AP3B1: variants seen among roughly 807,000 people sequenced by gnomAD.
AP3B1 encodes AP-3 complex subunit beta-1.
A neutral mutation model predicts 132.5 loss-of-function variants in AP3B1; 61 were observed. That is an observed-to-expected ratio of 0.46 (90% CI 0.37 to 0.57). The LOEUF is 0.57. AP3B1 is among the 20% of genes least tolerant of loss of function. The pLI is 0.00. For missense variants in AP3B1, 1,120 were observed against 1,289.4 expected, an observed-to-expected ratio of 0.87 and a Z score of 2.01; for synonymous variants, 388 against 438.3, an observed-to-expected ratio of 0.89 and a Z score of 1.43.
intron 26 of AP3B1, among the ~76,000 whole-genome samples, chr5:78,003,269 T>C (rs903911178): frequency 6.6e-6 from 1 of 152,212 alleles, no homozygotes; most frequent in Non-Finnish European, 1.5e-5. Context: ...TTAGTGCACA[T>C]TTAAAACAGA....
chr5:78,163,011 G>A (rs931315382), intron 12 of AP3B1, 60 bp from the exon 13 acceptor site: 19 of 1,507,226 alleles, frequency 1.3e-5, no homozygotes, highest in African/African-American at 8.3e-5. Context: ...CCAAAACTCC[G>A]ATTATATTAA....
intron 11 of AP3B1, among the ~76,000 whole-genome samples, chr5:78,169,576 C>T (rs529364844): frequency 2.3e-4 from 35 of 152,012 alleles, no homozygotes; most frequent in African/African-American, 6.0e-4. Flanking sequence ...TTACAGACAT[C>T]GGCCACCACG....
At chr5:78,020,658 T>C (rs200516181) in intron 25 of AP3B1, 34 bp downstream of exon 25, 703 of 1,469,546 alleles carry the variant, frequency 4.8e-4, no homozygotes, top group Non-Finnish European at 5.4e-4. Flanking sequence ...TTATTTGGTA[T>C]GTAAATTTCT....
At chr5:78,175,212 C>T (rs1232690814) in intron 11 of AP3B1, among the ~76,000 whole-genome samples, 1 of 152,198 alleles carries the variant, frequency 6.6e-6, no homozygotes, top group Non-Finnish European at 1.5e-5. Context: ...TTAGCTCACC[C>T]TCTGGGGCTG....
chr5:78,099,666 G>A lies in AP3B1; in HGVS notation c.2470+1287C>T, dbSNP rs967161208. On this transcript the variant is annotated intron_variant, in intron 21 of 26. Coordinates refer to ENST00000255194, the MANE Select transcript of AP3B1 (RefSeq NM_003664.5). ...AATCCCAGCACGTTGGGAAGCCGAG[G>A]TGGGTGGATCACGAGGTCAGGAAAT... 3.3e-5 allele frequency among the ~76,000 whole-genome samples: 5 copies of A among 152,184 alleles called. No homozygotes were observed. The East Asian group carries it at 9.6e-4, about 29-fold the overall frequency.
chr5:78,237,880 A>G (rs545307847), intron 3 of AP3B1, among the ~76,000 whole-genome samples: 1 of 152,334 alleles, frequency 6.6e-6, no homozygotes, highest in Admixed American at 6.5e-5. Context: ...TTGCTTAACA[A>G]TGTTCTGAGA....
chr5:78,053,678 C>CA (rs1166305470), intron 22 of AP3B1, among the ~76,000 whole-genome samples: 30,108 of 74,884 alleles, frequency 0.4, 4,809 homozygotes, highest in Non-Finnish European at 0.5. Context: ...GACTCCATCT[C>CA]AAAAAAAAAA....
At chr5:78,036,651 T>G (rs1747821160) in intron 23 of AP3B1, among the ~76,000 whole-genome samples, 4 of 152,122 alleles carry the variant, frequency 2.6e-5, no homozygotes, top group Admixed American at 2.6e-4. Context: ...CTAATATTCT[T>G]GTAAGGAATA....
At chr5:78,020,259 A>G (rs1252337572) in intron 25 of AP3B1, among the ~76,000 whole-genome samples, 1 of 152,144 alleles carries the variant, frequency 6.6e-6, no homozygotes, top group Non-Finnish European at 1.5e-5. Flanking sequence ...TTGAAGGATA[A>G]GGTAGTTTAA....
chr5:78,268,716 A>G (rs183084975), intron 1 of AP3B1, among the ~76,000 whole-genome samples: 63 of 152,308 alleles, frequency 4.1e-4, no homozygotes, highest in African/African-American at 1.5e-3. Context: ...TCTGAAACTA[A>G]AAACAAGAAA....
intron 2 of AP3B1, among the ~76,000 whole-genome samples, chr5:78,241,586 C>T (rs1747143819): frequency 6.6e-6 from 1 of 152,120 alleles, no homozygotes; most frequent in Non-Finnish European, 1.5e-5. Context: ...ACTTCTGCAA[C>T]CATTGCTTTT....
intron 5 of AP3B1, 29 bp downstream of exon 5, chr5:78,227,343 C>A: frequency 6.2e-7 from 1 of 1,604,888 alleles, no homozygotes; most frequent in Non-Finnish European, 8.5e-7. Flanking sequence ...CATCAGAGAT[C>A]TTTGGTATAT....
intron 1 of AP3B1, among the ~76,000 whole-genome samples, chr5:78,274,737 A>G (rs1156934564): frequency 6.6e-6 from 1 of 152,126 alleles, no homozygotes; most frequent in Non-Finnish European, 1.5e-5. Flanking sequence ...TGGGCACAAC[A>G]TAGTGAGGCC....
At chr5:78,271,479 A>G (rs780933236) in intron 1 of AP3B1, among the ~76,000 whole-genome samples, 5 of 152,222 alleles carry the variant, frequency 3.3e-5, no homozygotes, top group Non-Finnish European at 5.9e-5. Flanking sequence ...ATCCAAATAA[A>G]TATGAATATT....
chr5:78,165,460 T>C, intron 12 of AP3B1, 150 bp downstream of exon 12: 1 of 633,724 alleles, frequency 1.6e-6, no homozygotes. Flanking sequence ...AATTAGTTTA[T>C]TCTTGCAAAT....
chr5:78,117,679 T>C (rs1182345191), intron 17 of AP3B1, among the ~76,000 whole-genome samples: 1 of 152,208 alleles, frequency 6.6e-6, no homozygotes, highest in East Asian at 1.9e-4. Flanking sequence ...CTTAAAGACT[T>C]CAATATTAAA....
At chr5:78,045,041 C>T (rs1368482927) in intron 22 of AP3B1, among the ~76,000 whole-genome samples, 5 of 152,136 alleles carry the variant, frequency 3.3e-5, no homozygotes, top group Admixed American at 2.6e-4. Flanking sequence ...TCATAAATGA[C>T]ACTTCGTGGT....
chr5:78,233,185 C>T (rs2112504778), intron 3 of AP3B1, among the ~76,000 whole-genome samples: 1 of 151,696 alleles, frequency 6.6e-6, no homozygotes, highest in South Asian at 2.1e-4. Flanking sequence ...TTTCATGTCT[C>T]CTTGGTCTTC....
At chr5:78,162,081 G>C (rs79227543) in intron 13 of AP3B1, among the ~76,000 whole-genome samples, 2,302 of 151,890 alleles carry the variant, frequency 0.015, 68 homozygotes, top group African/African-American at 0.053. Context: ...TCTTAAAAAA[G>C]TCTCATTTTA....
Sources: allele counts gnomAD v4.1 joint callset (sites outside exome capture counted in the v4.1 genomes callset), GRCh38; gene constraint gnomAD v4.1.1; transcripts MANE v1.5; gene names NCBI Gene and HGNC (gene_info 2026-07-23, HGNC 2026-07-21).